The following ANKAR variants were observed in gnomAD, a reference collection of about 807,000 sequenced individuals.
The protein encoded by ANKAR is ankyrin and armadillo repeat containing, also known as ankyrin and armadillo repeat-containing protein.
In ANKAR, 136 loss-of-function variants were observed where a neutral mutation model predicts 146.2. The observed-to-expected ratio is 0.93, with a 90% CI of 0.81 to 1.07. The LOEUF is 1.07. Among genes scored for constraint, ANKAR ranks in the 50% least tolerant of loss-of-function variants. ANKAR has a pLI of 0.00. For missense variants in ANKAR, 1,567 were observed against 1,679.9 expected (o/e 0.93, Z 1.18); for synonymous variants, 500 against 575.8 (o/e 0.87, Z 1.88).
At chr2:189,728,949 GAA>G in intron 15 of ANKAR, 128 bp downstream of exon 15, 1 of 855,556 alleles carries the variant, frequency 1.2e-6, no homozygotes, top group Non-Finnish European at 1.7e-6. Flanking sequence ...TTTAATGTAT[GAA>G]AGACTATTAT....
Position 189,737,724 on chromosome 2 carries a change from C to T in ANKAR, c.3465C>T (p.Ala1155=). ...CAGGCTATGCATTAACACTTTTTGC[C>T]TTCAATAATCGCTTTCAACAATACT... The part of the protein sequence containing the change: ...LRAGYALTLF[A]FNNRFQQYLI... Residue 1155 remains alanine (A), a synonymous_variant, in exon 18 of 23, where the codon GCC becomes GCT. Transcript: ENST00000684021. The T allele has an allele frequency of 6.3e-7, 1 of 1,596,532 alleles. No homozygotes were observed. Among genetic ancestry groups the T allele is most frequent in the Non-Finnish European group, 8.5e-7 (1 of 1,175,510 alleles).
intron 12 of ANKAR, among the ~76,000 whole-genome samples, chr2:189,727,399 G>C (rs1490671370): frequency 6.6e-6 from 1 of 151,676 alleles, no homozygotes; most frequent in Admixed American, 6.6e-5. Context: ...GCCGGGTGTG[G>C]TGGTGCACAC....
At chr2:189,687,926 T>C (rs1488465022) in intron 2 of ANKAR, among the ~76,000 whole-genome samples, 1 of 152,206 alleles carries the variant, frequency 6.6e-6, no homozygotes, top group Non-Finnish European at 1.5e-5. Flanking sequence ...TTCACTTTGT[T>C]GATTGTTTCC....
intron 10 of ANKAR, among the ~76,000 whole-genome samples, chr2:189,711,426 CT>C (rs1490076433): frequency 2.0e-5 from 3 of 152,126 alleles, no homozygotes; most frequent in African/African-American, 7.2e-5. Context: ...TGTTAAATTA[CT>C]TTACCACACT....
In ANKAR at chr2:189,705,159, C is replaced by G. The variant is rs142585987; in HGVS notation, c.1845C>G (p.Asn615Lys). Residue 615 changes from asparagine (N) to lysine (K), a missense_variant, in exon 8 of 23, where the codon AAC (asparagine) becomes AAG (lysine). By Grantham distance (94) the Asn-to-Lys change is moderately conservative. Transcript: ENST00000684021. ...MPIHFAAFYD[N>K]VCIIIALCRK... ...TTCACTTTGCCGCTTTCTATGACAA[C>G]GTTTGCATCATTATTGCTCTCTGTA... is the stretch of plus-strand genomic sequence containing the variant. The G allele has an allele frequency of 5.0e-6, 8 of 1,613,902 alleles. No individual in the cohort carries two copies. Among genetic ancestry groups the G allele is most frequent in the Admixed American group, 1.7e-5 (1 of 59,970 alleles).
intron 10 of ANKAR, among the ~76,000 whole-genome samples, chr2:189,713,084 A>C (rs1427475086): frequency 6.6e-6 from 1 of 152,354 alleles, no homozygotes; most frequent in Admixed American, 6.5e-5. Flanking sequence ...GAGTAAGAAG[A>C]AATGAACAAA....
At chr2:189,761,107 G>A (rs114983264) in exon 19 of ANKAR, 6,967 of 202,774 alleles carry the variant, frequency 0.034, 154 homozygotes, top group South Asian at 0.068. Flanking sequence ...GTTTTCCTAG[G>A]ACTTCAGCTG....
At chr2:189,677,125 T>A in intron 2 of ANKAR, 34 bp downstream of exon 2, 1 of 1,446,018 alleles carries the variant, frequency 6.9e-7, no homozygotes, top group Non-Finnish European at 9.0e-7. Flanking sequence ...AATTTTTTTT[T>A]TTTTTTTTTG....
chr2:189,706,878 T>G, intron 8 of ANKAR, 60 bp from the exon 9 acceptor site: 7 of 1,379,486 alleles, frequency 5.1e-6, no homozygotes, highest in Non-Finnish European at 7.0e-6. Context: ...TTGAATAGTT[T>G]TACAAAAAGT....
In ANKAR at chr2:189,737,701, G is replaced by A. The variant is rs771570503; in HGVS notation, c.3442G>A (p.Gly1148Ser). 3.1e-6 allele frequency: 5 copies of A among 1,594,228 alleles called. No individual in the cohort carries two copies. In the African/African-American group the frequency reaches 6.8e-5, roughly 22 times the overall value. The change falls in exon 18 of 23, where the codon GGC becomes AGC. Residue 1148 changes from glycine (G) to serine (S), a missense_variant. Physicochemically the swap from Gly to Ser is moderately conservative, Grantham distance 56 (BLOSUM62 0). Coordinates refer to ENST00000684021, the MANE Select transcript of ANKAR (RefSeq NM_001378068.1). ...TTTTTAGGATATTTGCTTAAGAGCA[G>A]GCTATGCATTAACACTTTTTGCCTT... ...STEKDICLRA[G>S]YALTLFAFNN...
At chr2:189,761,209 T>C, downstream of ANKAR, 1 of 387,090 alleles carries the variant, frequency 2.6e-6, no homozygotes, top group Non-Finnish European at 4.5e-6. Context: ...TCAGTTTCTT[T>C]TGGCAACAGG....
downstream of ANKAR, among the ~76,000 whole-genome samples, chr2:189,751,498 G>A (rs1246003956): frequency 1.4e-5 from 2 of 145,036 alleles, no homozygotes; most frequent in African/African-American, 5.2e-5. Context: ...GGGCTGGAGT[G>A]CAGTGGCGTG....
chr2:189,679,173 T>C (rs1313304729), intron 2 of ANKAR, among the ~76,000 whole-genome samples: 1 of 152,194 alleles, frequency 6.6e-6, no homozygotes, highest in Non-Finnish European at 1.5e-5. Flanking sequence ...AGTATTTTAT[T>C]TTATGTTATG....
intron 10 of ANKAR, among the ~76,000 whole-genome samples, chr2:189,718,527 T>C (rs948517735): frequency 1.3e-5 from 2 of 152,152 alleles, no homozygotes; most frequent in Non-Finnish European, 2.9e-5. Context: ...AGTCCCCTGA[T>C]ATGTTCCTGA....
Position 189,743,456 on chromosome 2 carries a change from T to C in ANKAR, c.3992T>C (p.Val1331Ala). 6.2e-7 allele frequency: 1 copy of C among 1,613,680 alleles called. No homozygotes were observed. ...LKEFQMQQTLVGLPSLSLEKN... is the reference protein window; with the variant it reads ...LKEFQMQQTLAGLPSLSLEKN... Reference sequence around the variant, plus strand: ...GAATTTCAAATGCAACAAACACTGGTGGGACTTCCTTCCTTAAGGTATGGT... The same window carrying C: ...GAATTTCAAATGCAACAAACACTGGCGGGACTTCCTTCCTTAAGGTATGGT... The change falls in exon 21 of 23, where the codon GTG becomes GCG. Residue 1331 changes from valine to alanine, a missense_variant. Val to Ala is a moderately conservative substitution (Grantham distance 64). Coordinates refer to ENST00000684021, the MANE Select transcript of ANKAR (RefSeq NM_001378068.1).
At chr2:189,750,135 T>C (rs2044919663), downstream of ANKAR, among the ~76,000 whole-genome samples, 1 of 151,916 alleles carries the variant, frequency 6.6e-6, no homozygotes, top group Non-Finnish European at 1.5e-5. Context: ...CAAAAAATAA[T>C]AATGATAAAA....
chr2:189,683,925 C>T (rs1193221604), intron 2 of ANKAR, among the ~76,000 whole-genome samples: 1 of 152,232 alleles, frequency 6.6e-6, no homozygotes, highest in Non-Finnish European at 1.5e-5. Context: ...TTGCACTCTA[C>T]AAACCACCAG....
chr2:189,701,011 C>T (rs976768920), intron 7 of ANKAR, among the ~76,000 whole-genome samples: 1 of 152,020 alleles, frequency 6.6e-6, no homozygotes, highest in Admixed American at 6.6e-5. Flanking sequence ...GGATTATTTT[C>T]TTTATCTTTG....
chr2:189,758,172 C>T (rs1028703625), intron 18 of ANKAR, among the ~76,000 whole-genome samples: 3 of 152,028 alleles, frequency 2.0e-5, no homozygotes, highest in Non-Finnish European at 2.9e-5. Flanking sequence ...CACTTGAGGT[C>T]GGGAGTTCGA....
Sources: gnomAD v4.1 joint callset for allele counts (sites outside exome capture counted in the v4.1 genomes callset) on GRCh38, gnomAD v4.1.1 for gene constraint, MANE v1.5 for transcripts, NCBI Gene and HGNC (gene_info 2026-07-23, HGNC 2026-07-21) for gene names.